Variants in CDKAL1 observed in about 807,000 individuals in gnomAD.
CDKAL1 encodes the protein CDKAL1 threonylcarbamoyladenosine tRNA methylthiotransferase.
A neutral mutation model predicts 68.2 loss-of-function variants in CDKAL1; 32 were observed. The ratio of observed to expected loss-of-function variants is 0.47; its 90% confidence interval spans 0.35 to 0.63. CDKAL1 has a LOEUF of 0.63. CDKAL1 is among the 30% of genes least tolerant of loss of function. The probability of loss-of-function intolerance (pLI) is 0.00; values close to 1 mark genes in which losing one functional copy is unlikely to be tolerated. For synonymous variants in CDKAL1, 234 were observed against 244.3 expected, an observed-to-expected ratio of 0.96 and a Z score of 0.39; for missense variants, 606 against 696.7, an observed-to-expected ratio of 0.87 and a Z score of 1.47.
chr6:20,612,990 T>TACACACACACACAC (rs55999857), intron 4 of CDKAL1, among the ~76,000 whole-genome samples: 11 of 129,990 alleles, frequency 8.5e-5, no homozygotes, highest in East Asian at 6.6e-4. Flanking sequence ...TTGCAATTTC[T>TACACACACACACAC]ACACACACAC....
chr6:21,203,051 G>C (rs1355532424), intron 15 of CDKAL1, among the ~76,000 whole-genome samples: 1 of 151,620 alleles, frequency 6.6e-6, no homozygotes, highest in Non-Finnish European at 1.5e-5. Context: ...GTTGGTTCTT[G>C]TTTGTTTGTT....
chr6:20,584,581 T>C (rs1457990400), intron 4 of CDKAL1, among the ~76,000 whole-genome samples: 1 of 152,160 alleles, frequency 6.6e-6, no homozygotes, highest in African/African-American at 2.4e-5. Flanking sequence ...GTGTTCACAA[T>C]TGAGAACTGA....
chr6:21,009,522 G>A (rs1767902835), intron 11 of CDKAL1, among the ~76,000 whole-genome samples: 1 of 152,142 alleles, frequency 6.6e-6, no homozygotes, highest in Non-Finnish European at 1.5e-5. Context: ...CAAAGGAAAG[G>A]AAATCAGTAT....
Position 20,539,262 on chromosome 6 carries a change from C to T in CDKAL1, c.-6+3868C>T, listed in dbSNP as rs1346600619. On this transcript the variant is annotated intron_variant, in intron 2 of 15. Coordinates refer to ENST00000274695, the MANE Select transcript of CDKAL1 (RefSeq NM_017774.3). This position sits in a 1 kb window ranked among gnomAD's most constrained non-coding sequence, Gnocchi z 4.3. Reference sequence around the variant, plus strand: ...AGAATATCTATATCCATATATTGCCCGACTGTGTAGTCTGCAGTAAAAGTA... The same window carrying T: ...AGAATATCTATATCCATATATTGCCTGACTGTGTAGTCTGCAGTAAAAGTA... Among the ~76,000 whole-genome samples, 6 of 152,174 alleles carry T rather than the reference C, an allele frequency of 3.9e-5. No homozygotes were observed. Among genetic ancestry groups the T allele is most frequent in the African/African-American group, 9.6e-5 (4 of 41,496 alleles).
At chr6:20,689,241 A>G (rs949444152) in intron 5 of CDKAL1, among the ~76,000 whole-genome samples, 1 of 152,174 alleles carries the variant, frequency 6.6e-6, no homozygotes, top group Admixed American at 6.5e-5. Context: ...GGAGGTAAAA[A>G]TTCACGCAAG....
intron 9 of CDKAL1, among the ~76,000 whole-genome samples, chr6:20,928,213 G>A (rs892923430): frequency 1.3e-5 from 2 of 152,178 alleles, no homozygotes; most frequent in African/African-American, 2.4e-5. Flanking sequence ...ATGGAAGGGG[G>A]AAGGTGCCAC....
intron 5 of CDKAL1, among the ~76,000 whole-genome samples, chr6:20,669,047 T>TAA (rs1769685302): frequency 6.6e-6 from 1 of 152,220 alleles, no homozygotes; most frequent in Admixed American, 6.5e-5. Context: ...CAGTTAACTT[T>TAA]AACATCTAGT....
chr6:21,074,817 A>T (rs1348423663), intron 12 of CDKAL1, among the ~76,000 whole-genome samples: 9 of 152,060 alleles, frequency 5.9e-5, no homozygotes, highest in African/African-American at 1.2e-4. Context: ...TTATTTTTTT[A>T]AAATTTCAAT....
intron 5 of CDKAL1, among the ~76,000 whole-genome samples, chr6:20,649,726 AC>A (rs1285247922): frequency 2.6e-5 from 4 of 151,226 alleles, no homozygotes; most frequent in African/African-American, 9.7e-5. Context: ...CCCTTCCCCC[AC>A]CCCCTAACAG....
chr6:20,731,137 C>T (rs1468736013), intron 5 of CDKAL1, among the ~76,000 whole-genome samples: 1 of 152,088 alleles, frequency 6.6e-6, no homozygotes, highest in Non-Finnish European at 1.5e-5. Context: ...AGGGAAGGAA[C>T]GCAGAAGGGA....
chr6:21,199,880 A>G (rs1223210701), intron 14 of CDKAL1, among the ~76,000 whole-genome samples: 9 of 152,210 alleles, frequency 5.9e-5, no homozygotes, highest in South Asian at 2.1e-4. Flanking sequence ...TACTTTGATG[A>G]AGCAGTGTAC....
At chr6:20,959,787 C>T (rs1364755162) in intron 10 of CDKAL1, among the ~76,000 whole-genome samples, 1 of 152,004 alleles carries the variant, frequency 6.6e-6, no homozygotes, top group Admixed American at 6.6e-5. Flanking sequence ...CTTTAATGAA[C>T]TCTGACCTTG....
At chr6:20,961,802 A>G (rs1765073224) in intron 10 of CDKAL1, among the ~76,000 whole-genome samples, 1 of 151,934 alleles carries the variant, frequency 6.6e-6, no homozygotes, top group Non-Finnish European at 1.5e-5. Flanking sequence ...AAAAAAAAAC[A>G]TCAAGTACTA....
intron 11 of CDKAL1, among the ~76,000 whole-genome samples, chr6:21,028,691 G>A (rs867763326): frequency 1.1e-4 from 16 of 152,300 alleles, no homozygotes; most frequent in South Asian, 2.1e-4. Context: ...GCTTCAACAT[G>A]TAAATCTTAG....
At chr6:20,761,670 A>C (rs1774473603) in intron 7 of CDKAL1, among the ~76,000 whole-genome samples, 1 of 152,212 alleles carries the variant, frequency 6.6e-6, no homozygotes, top group Non-Finnish European at 1.5e-5. Context: ...TCAATCTGTA[A>C]GGCTACATAC....
chr6:21,089,007 T>C (rs1034731573), intron 12 of CDKAL1, among the ~76,000 whole-genome samples: 1 of 152,228 alleles, frequency 6.6e-6, no homozygotes, highest in Admixed American at 6.5e-5. Flanking sequence ...CCATTATCTA[T>C]GGATACCGGG....
intron 5 of CDKAL1, among the ~76,000 whole-genome samples, chr6:20,676,717 TAAAAA>T (rs150618463): frequency 7.9e-6 from 1 of 127,224 alleles, no homozygotes; most frequent in Non-Finnish European, 1.5e-5. Flanking sequence ...TAAAATAAAA[TAAAAA>T]AGTCTTTTAT....
chr6:21,169,313 C>T (rs1777279793), intron 13 of CDKAL1, among the ~76,000 whole-genome samples: 1 of 152,288 alleles, frequency 6.6e-6, no homozygotes, highest in Non-Finnish European at 1.5e-5. Flanking sequence ...CATCTGTTTT[C>T]TGACAAGATG....
chr6:20,789,571 T>C (rs970951329), intron 8 of CDKAL1, among the ~76,000 whole-genome samples: 2 of 152,192 alleles, frequency 1.3e-5, no homozygotes, highest in African/African-American at 2.4e-5. Flanking sequence ...ATTACTGATT[T>C]AAAAAAACAT....
Sources: gnomAD v4.1 joint callset for allele counts (sites outside exome capture counted in the v4.1 genomes callset) on GRCh38, gnomAD v4.1.1 for gene constraint, Gnocchi (gnomAD v3.1) non-coding constraint, MANE v1.5 for transcripts, NCBI Gene and HGNC (gene_info 2026-07-23, HGNC 2026-07-21) for gene names.